PCSK2: variants seen among roughly 807,000 people sequenced by gnomAD.
PCSK2 encodes proprotein convertase subtilisin/kexin type 2, also known as neuroendocrine convertase 2.
PCSK2 carries 14 observed loss-of-function variants against 69.7 expected under a neutral mutation model. The observed-to-expected ratio is 0.20, with a 90% CI of 0.13 to 0.31. The LOEUF (loss-of-function observed/expected upper bound fraction) is 0.31. PCSK2 is among the 10% of genes least tolerant of loss of function. The pLI is 1.00. For missense variants in PCSK2, 544 were observed against 842.5 expected, an observed-to-expected ratio of 0.65 and a Z score of 4.39; for synonymous variants, 307 against 320.7, an observed-to-expected ratio of 0.96 and a Z score of 0.46.
rs879729631 is a variant in PCSK2 at position 17,370,348 on chromosome 20, A to G, written c.543+1071A>G. ...AGGCGAGTGTCTCTACGTTGCACAAAGAAAGGGGGAATATTCCATGTGTTT... is the reference window on the plus strand; with the variant it reads ...AGGCGAGTGTCTCTACGTTGCACAAGGAAAGGGGGAATATTCCATGTGTTT... On this transcript the variant is annotated intron_variant, in intron 5 of 11. Transcript: ENST00000262545. 3.3e-5 allele frequency among the ~76,000 whole-genome samples: 5 copies of G among 152,182 alleles called. No individual in the cohort carries two copies. The East Asian group carries it at 9.6e-4, about 29-fold the overall frequency.
At chr20:17,279,905 C>A (rs1269150847) in intron 2 of PCSK2, among the ~76,000 whole-genome samples, 1 of 150,078 alleles carries the variant, frequency 6.7e-6, no homozygotes, top group African/African-American at 2.5e-5. Context: ...CAAAACAACA[C>A]TTTTTTATTT....
At chr20:17,288,336 G>T (rs1373762609) in intron 2 of PCSK2, among the ~76,000 whole-genome samples, 2 of 152,152 alleles carry the variant, frequency 1.3e-5, no homozygotes, top group Non-Finnish European at 2.9e-5. Flanking sequence ...CTGCAACATG[G>T]TCTGTCACAG....
intron 9 of PCSK2, among the ~76,000 whole-genome samples, chr20:17,455,087 G>A (rs1270959150): frequency 6.6e-6 from 1 of 152,030 alleles, no homozygotes; most frequent in African/African-American, 2.4e-5. Context: ...ACAGGGACAG[G>A]TGAGGTGACA....
intron 1 of PCSK2, among the ~76,000 whole-genome samples, chr20:17,250,285 T>A (rs958236678): frequency 6.6e-6 from 1 of 152,240 alleles, no homozygotes; most frequent in African/African-American, 2.4e-5. Flanking sequence ...TCTGCAGCTC[T>A]TTTTTGTCGT....
intron 2 of PCSK2, among the ~76,000 whole-genome samples, chr20:17,261,272 T>A (rs1053219613): frequency 2.0e-5 from 3 of 152,236 alleles, no homozygotes; most frequent in South Asian, 4.1e-4. Context: ...GACCAGCTGA[T>A]GAAAAGCGTG....
intron 4 of PCSK2, among the ~76,000 whole-genome samples, chr20:17,364,607 A>T (rs1181734355): frequency 6.6e-6 from 1 of 152,100 alleles, no homozygotes; most frequent in East Asian, 1.9e-4. Flanking sequence ...GTATGGGGGA[A>T]CCCACCCCCA....
chr20:17,437,833 C>A (rs2032516345), intron 8 of PCSK2, among the ~76,000 whole-genome samples: 2 of 152,236 alleles, frequency 1.3e-5, no homozygotes, highest in African/African-American at 2.4e-5. Flanking sequence ...GGGGCCTCAG[C>A]CGATAGATTC....
chr20:17,470,896 A>C (rs1190917114), intron 11 of PCSK2, among the ~76,000 whole-genome samples: 1 of 152,208 alleles, frequency 6.6e-6, no homozygotes, highest in Non-Finnish European at 1.5e-5. Context: ...AACTGGCACG[A>C]TATCTACACT....
At chr20:17,357,273 G>A (rs2030236111) in intron 2 of PCSK2, among the ~76,000 whole-genome samples, 1 of 152,214 alleles carries the variant, frequency 6.6e-6, no homozygotes, top group Non-Finnish European at 1.5e-5. Context: ...AAATTGAAAT[G>A]TTGTCAGTGC....
intron 2 of PCSK2, among the ~76,000 whole-genome samples, chr20:17,348,682 G>C (rs180802580): frequency 6.6e-6 from 1 of 152,220 alleles, no homozygotes; most frequent in Admixed American, 6.5e-5. Flanking sequence ...GGCCATGAGG[G>C]AAGGACCTGT....
intron 5 of PCSK2, among the ~76,000 whole-genome samples, chr20:17,400,239 C>G (rs1341626809): frequency 6.6e-6 from 1 of 152,040 alleles, no homozygotes. Context: ...TTTTATTTGC[C>G]AGGTATTTGC....
At chr20:17,479,185 G>A (rs2033344884) in intron 11 of PCSK2, 2 of 1,384,112 alleles carry the variant, frequency 1.4e-6, no homozygotes, top group Admixed American at 3.4e-5. Context: ...CCAAAAACAG[G>A]AGCTGCTGTG....
intron 5 of PCSK2, among the ~76,000 whole-genome samples, chr20:17,379,921 A>G (rs1034703840): frequency 1.3e-5 from 2 of 152,200 alleles, no homozygotes; most frequent in African/African-American, 4.8e-5. Context: ...GGAGGCTTTC[A>G]CCTGTTGGCC....
intron 1 of PCSK2, among the ~76,000 whole-genome samples, chr20:17,236,005 C>G (rs1380363949): frequency 6.6e-6 from 1 of 151,668 alleles, no homozygotes; most frequent in East Asian, 1.9e-4. Flanking sequence ...TAAAAAATAC[C>G]AAGTAATAAA....
At chr20:17,239,195 T>C (rs1986458961) in intron 1 of PCSK2, among the ~76,000 whole-genome samples, 2 of 152,200 alleles carry the variant, frequency 1.3e-5, no homozygotes, top group African/African-American at 4.8e-5. Context: ...CTTTAGCTTC[T>C]CCTCTATTTC....
intron 11 of PCSK2, among the ~76,000 whole-genome samples, chr20:17,473,076 AAAG>A (rs1256285127): frequency 6.7e-6 from 1 of 150,208 alleles, no homozygotes; most frequent in Non-Finnish European, 1.5e-5. Context: ...CTAATAGGTC[AAAG>A]AAGAACTCTT....
chr20:17,316,249 C>G (rs1989685414), intron 2 of PCSK2, among the ~76,000 whole-genome samples: 1 of 152,202 alleles, frequency 6.6e-6, no homozygotes, highest in Non-Finnish European at 1.5e-5. Context: ...TTTCTTTTCT[C>G]GTTTCCTTCT....
chr20:17,365,753 A>T (rs559597947), intron 4 of PCSK2, among the ~76,000 whole-genome samples: 1 of 152,364 alleles, frequency 6.6e-6, no homozygotes. Flanking sequence ...AAGGAGTAAC[A>T]GGTCTCAAGT....
chr20:17,296,914 T>A (rs1440841827), intron 2 of PCSK2, among the ~76,000 whole-genome samples: 1 of 152,182 alleles, frequency 6.6e-6, no homozygotes, highest in African/African-American at 2.4e-5. Context: ...TTGTTAAATA[T>A]CATATTTCCT....
Sources: gnomAD v4.1 joint callset for allele counts (sites outside exome capture counted in the v4.1 genomes callset) on GRCh38, gnomAD v4.1.1 for gene constraint, MANE v1.5 for transcripts, NCBI Gene and HGNC (gene_info 2026-07-23, HGNC 2026-07-21) for gene names.